APBA1: variants seen among roughly 807,000 people sequenced by gnomAD.
APBA1 encodes the protein amyloid beta precursor protein binding family A member 1, also known as amyloid-beta A4 precursor protein-binding family A member 1.
APBA1 carries 55 observed loss-of-function variants against 86.6 expected under a neutral mutation model. That is an observed-to-expected ratio of 0.64 (90% CI 0.51 to 0.80). The LOEUF (loss-of-function observed/expected upper bound fraction) is 0.80. APBA1 is among the 30% of genes least tolerant of loss of function. The pLI is 0.00. For missense variants in APBA1, 1,090 were observed against 1,183.0 expected, an observed-to-expected ratio of 0.92 and a Z score of 1.15; for synonymous variants, 511 against 493.9, an observed-to-expected ratio of 1.03 and a Z score of -0.46.
At position 69,516,476 on chromosome 9, in the gene APBA1, C is replaced by T. The variant is rs1183682672; in HGVS notation, c.735G>A (p.Glu245=). 6 of 1,600,854 alleles carry T rather than the reference C, an allele frequency of 3.7e-6. No homozygotes were observed. The Admixed American group carries it at 6.7e-5, about 18-fold the overall frequency. Residue 245 remains glutamate (E), a synonymous_variant, in exon 2 of 13, where the codon GAG becomes GAA. Transcript: ENST00000265381. The surrounding 1 kb of genome is among the most constrained non-coding windows in gnomAD (Gnocchi z 7.3). ...CGGCCTCCTTCTCGGGGCTGTCGGACTCGCCGTCGGAGCGCTCGTCGTAAT... is the reference window on the plus strand; with the variant it reads ...CGGCCTCCTTCTCGGGGCTGTCGGATTCGCCGTCGGAGCGCTCGTCGTAAT... ...LHHYDERSDG[E]SDSPEKEAEF... is the part of the protein sequence containing the mutation.
intron 1 of APBA1, among the ~76,000 whole-genome samples, chr9:69,641,288 A>T (rs896429858): frequency 6.6e-6 from 1 of 152,214 alleles, no homozygotes; most frequent in Non-Finnish European, 1.5e-5. Context: ...TACCATGTTC[A>T]TGGGTTGGAA....
At chr9:69,580,707 G>T (rs1257556255) in intron 1 of APBA1, among the ~76,000 whole-genome samples, 1 of 152,118 alleles carries the variant, frequency 6.6e-6, no homozygotes, top group African/African-American at 2.4e-5. Flanking sequence ...AGCGTGAAAT[G>T]CTTTTCACTC....
At chr9:69,444,197 G>T (rs1488995993) in intron 10 of APBA1, among the ~76,000 whole-genome samples, 1 of 152,166 alleles carries the variant, frequency 6.6e-6, no homozygotes, top group Non-Finnish European at 1.5e-5. Flanking sequence ...ACATTCATGT[G>T]GCATCTCCTG....
chr9:69,611,624 C>T (rs948266831), intron 1 of APBA1, among the ~76,000 whole-genome samples: 52 of 152,304 alleles, frequency 3.4e-4, no homozygotes, highest in African/African-American at 9.9e-4. Flanking sequence ...CATGGGAACA[C>T]GTTCCATTTT....
In APBA1 at chr9:69,432,624, C is replaced by G. The variant is rs760613850; in HGVS notation, c.2354G>C (p.Gly785Ala). 6.2e-7 allele frequency: 1 copy of G among 1,605,666 alleles called. No homozygotes were observed. Among genetic ancestry groups the G allele is most frequent in the East Asian group, 2.3e-5 (1 of 43,868 alleles). ...TCCATTGATTTCAATGATCCGGTGC[C>G]CCACACGGACGCCTCCTCTCTCAGC... Reference protein sequence around the residue: ...GIAERGGVRVGHRIIEINGQS... With the variant: ...GIAERGGVRVAHRIIEINGQS... Residue 785 changes from glycine to alanine, a missense_variant, in exon 12 of 13, where the codon GGG becomes GCG. Transcript: ENST00000265381.
rs189617580 is a variant in APBA1, at chr9:69,560,391, C to A, written c.-69-43112G>T. Among the ~76,000 whole-genome samples, 180 of 152,336 alleles carry A rather than the reference C, an allele frequency of 1.2e-3. 1 individual carries two copies. The highest frequency in any genetic ancestry group is 4.2e-3 in the African/African-American group (173 of 41,574). On this transcript the variant is annotated intron_variant, in intron 1 of 12. Coordinates refer to ENST00000265381, the MANE Select transcript of APBA1 (RefSeq NM_001163.4). Reference sequence around the variant, plus strand: ...CTGCCAGATGCCCATGCCCACACCACACTTAGTGGCTCTTAACTAAGAGCA... The same window carrying A: ...CTGCCAGATGCCCATGCCCACACCAAACTTAGTGGCTCTTAACTAAGAGCA...
intron 2 of APBA1, among the ~76,000 whole-genome samples, chr9:69,487,932 TAC>T (rs1249061567): frequency 6.6e-6 from 1 of 152,122 alleles, no homozygotes; most frequent in Non-Finnish European, 1.5e-5. Context: ...CATCTGGCAT[TAC>T]AAGGCAAAAA....
In APBA1 at chr9:69,500,586, A is replaced by G. The variant is rs191905268; in HGVS notation, c.1200+15425T>C. 8.5e-4 allele frequency among the ~76,000 whole-genome samples: 129 copies of G among 152,252 alleles called. 1 individual carries two copies. Among genetic ancestry groups the G allele is most frequent in the African/African-American group, 3.0e-3 (124 of 41,526 alleles). On this transcript the variant is annotated intron_variant, in intron 2 of 12. Coordinates refer to ENST00000265381, the MANE Select transcript of APBA1 (RefSeq NM_001163.4). ...TACAGGAGAACGATGAGACACCGAC[A>G]GTGAATTACAGAGGCAACAGGTTAA... is the stretch of plus-strand genomic sequence containing the variant.
chr9:69,596,380 C>T (rs1822229978), intron 1 of APBA1, among the ~76,000 whole-genome samples: 1 of 152,204 alleles, frequency 6.6e-6, no homozygotes, highest in South Asian at 2.1e-4. Flanking sequence ...TAAATCCTTT[C>T]ATCTGATTTA....
intron 1 of APBA1, among the ~76,000 whole-genome samples, chr9:69,574,828 G>T (rs1018252598): frequency 6.6e-6 from 1 of 152,148 alleles, no homozygotes; most frequent in African/African-American, 2.4e-5. Flanking sequence ...AGACAGGAGG[G>T]AAGCCAAGTC....
chr9:69,642,368 T>C (rs1174509011), intron 1 of APBA1, among the ~76,000 whole-genome samples: 1 of 152,114 alleles, frequency 6.6e-6, no homozygotes, highest in Non-Finnish European at 1.5e-5. Flanking sequence ...AAAAAGACAC[T>C]CAACATCATT....
intron 1 of APBA1, among the ~76,000 whole-genome samples, chr9:69,569,875 C>G (rs72719030): frequency 3.9e-5 from 6 of 152,086 alleles, no homozygotes; most frequent in Non-Finnish European, 7.4e-5. Context: ...GAATTAAGCT[C>G]CACAAATAAT....
chr9:69,653,504 T>C (rs1181007096), intron 1 of APBA1, among the ~76,000 whole-genome samples: 1 of 152,178 alleles, frequency 6.6e-6, no homozygotes, highest in Non-Finnish European at 1.5e-5. Flanking sequence ...AGCTACAGAA[T>C]ACACATTTTC....
At chr9:69,531,099 C>T (rs990157915) in intron 1 of APBA1, among the ~76,000 whole-genome samples, 6 of 152,230 alleles carry the variant, frequency 3.9e-5, no homozygotes, top group African/African-American at 1.4e-4. Flanking sequence ...AGAAAGTCTA[C>T]ATTCTTTTCT....
rs529135261 is a variant in APBA1, at chr9:69,554,581, C to T, written c.-69-37302G>A. On this transcript the variant is annotated intron_variant, in intron 1 of 12. Transcript: ENST00000265381. ...AACTCTAGAAGTTTCCAGCGGCACA[C>T]AAGGAGCTTAAATATTATACAACAA... Among the ~76,000 whole-genome samples, 8 of 152,290 alleles carry T rather than the reference C, an allele frequency of 5.3e-5. 1 individual carries two copies. In the East Asian group the frequency reaches 1.5e-3, roughly 29 times the overall value.
intron 1 of APBA1, among the ~76,000 whole-genome samples, chr9:69,529,532 T>C (rs924473992): frequency 6.6e-6 from 1 of 152,130 alleles, no homozygotes; most frequent in Non-Finnish European, 1.5e-5. Flanking sequence ...TAATAGTTCA[T>C]TGGCCGTGTT....
chr9:69,481,991 A>C (rs1161566209), intron 2 of APBA1, among the ~76,000 whole-genome samples: 2 of 150,858 alleles, frequency 1.3e-5, no homozygotes, highest in Admixed American at 6.6e-5. Flanking sequence ...TAAAGACTTA[A>C]ACGTTAGACC....
intron 2 of APBA1, among the ~76,000 whole-genome samples, chr9:69,487,318 C>G (rs753132284): frequency 1.9e-4 from 29 of 152,062 alleles, no homozygotes; most frequent in African/African-American, 6.0e-4. Flanking sequence ...ATCCCTGCCT[C>G]CCCCCAAAAA....
intron 2 of APBA1, among the ~76,000 whole-genome samples, chr9:69,485,848 C>T (rs751851290): frequency 1.3e-5 from 2 of 152,124 alleles, no homozygotes; most frequent in African/African-American, 2.4e-5. Context: ...AGACCAGGTT[C>T]CTAAATCCCA....
Sources: gnomAD v4.1 joint callset for allele counts (sites outside exome capture counted in the v4.1 genomes callset) on GRCh38, gnomAD v4.1.1 for gene constraint, Gnocchi (gnomAD v3.1) non-coding constraint, MANE v1.5 for transcripts, NCBI Gene and HGNC (gene_info 2026-07-23, HGNC 2026-07-21) for gene names.